TENM3: variants seen among roughly 807,000 people sequenced by gnomAD.
The protein encoded by TENM3 is teneurin transmembrane protein 3.
In TENM3, 63 loss-of-function variants were observed where a neutral mutation model predicts 255.1. The ratio of observed to expected loss-of-function variants is 0.25; its 90% confidence interval spans 0.20 to 0.30. The LOEUF is 0.30. Ranked by LOEUF, TENM3 falls within the 10% of genes least tolerant of loss-of-function variation. The pLI is 1.00. For missense variants in TENM3, 2,929 were observed against 3,461.1 expected, an observed-to-expected ratio of 0.85 and a Z score of 3.86; for synonymous variants, 1,306 against 1,322.3, an observed-to-expected ratio of 0.99 and a Z score of 0.27.
chr4:182,378,551 T>C (rs754619367), intron 3 of TENM3, among the ~76,000 whole-genome samples: 5 of 151,862 alleles, frequency 3.3e-5, no homozygotes, highest in Non-Finnish European at 7.4e-5. Context: ...GCAGGAGAGA[T>C]TCCAGATGGA....
At chr4:182,064,446 C>T in the TENM3 span, among the ~76,000 whole-genome samples, 10 of 152,034 alleles carry the variant, frequency 6.6e-5, no homozygotes, top group South Asian at 2.1e-4. Flanking sequence ...GGCGTGGTGG[C>T]GGGCGCCTGT....
chr4:181,903,367 G>A, the TENM3 span, among the ~76,000 whole-genome samples: 3 of 152,136 alleles, frequency 2.0e-5, no homozygotes, highest in Non-Finnish European at 4.4e-5. Context: ...ATTATATTAT[G>A]CATACAGAAA....
At chr4:181,750,102 C>T in the TENM3 span, among the ~76,000 whole-genome samples, 8 of 152,074 alleles carry the variant, frequency 5.3e-5, no homozygotes, top group Non-Finnish European at 1.0e-4. Flanking sequence ...AGAAAGGACA[C>T]GGGAAAGGGA....
At chr4:181,525,410 A>G in the TENM3 span, among the ~76,000 whole-genome samples, 1 of 151,102 alleles carries the variant, frequency 6.6e-6, no homozygotes, top group South Asian at 2.1e-4. Context: ...AAAAAAAAAA[A>G]AAAAAAAGGA....
At position 182,597,472 on chromosome 4, in the gene TENM3, T is replaced by G. The variant is rs1050025100; in HGVS notation, c.512-3452T>G. Among the ~76,000 whole-genome samples the G allele has an allele frequency of 5.3e-5, 8 of 152,196 alleles. No individual in the cohort carries two copies. In the South Asian group the frequency reaches 1.7e-3, roughly 32 times the overall value. On this transcript the variant is annotated intron_variant, in intron 3 of 27. Transcript: ENST00000511685. ...TCTATTTTCAGTAACAGAAATAAAA[T>G]GAAAAATAGTAATGTTTTTCATAAG...
rs575140264 is a variant in TENM3, at chr4:182,699,875, A to G, written c.2221+11524A>G. 9.2e-5 allele frequency among the ~76,000 whole-genome samples: 14 copies of G among 152,240 alleles called. No individual in the cohort carries two copies. The South Asian group carries it at 2.5e-3, about 27-fold the overall frequency. On this transcript the variant is annotated intron_variant, in intron 12 of 27. Coordinates refer to ENST00000511685, the MANE Select transcript of TENM3 (RefSeq NM_001080477.4). ...ATCTAAATTACCACCGAAACCGAGT[A>G]TATTGGAGGTTTTAAAGCTCAGTTG... is the stretch of plus-strand genomic sequence containing the variant.
At chr4:181,647,479 G>A in the TENM3 span, among the ~76,000 whole-genome samples, 1 of 152,178 alleles carries the variant, frequency 6.6e-6, no homozygotes, top group African/African-American at 2.4e-5. Context: ...GCAAAAGGGT[G>A]CAATATGTGT....
the TENM3 span, among the ~76,000 whole-genome samples, chr4:181,591,958 G>GAA: frequency 6.8e-6 from 1 of 147,458 alleles, no homozygotes; most frequent in African/African-American, 2.5e-5. Context: ...AAAAAAGCCA[G>GAA]AAAAAAAAAA....
intron 20 of TENM3, 60 bp downstream of exon 20, chr4:182,752,092 G>A: frequency 1.8e-6 from 2 of 1,082,194 alleles, no homozygotes; most frequent in Non-Finnish European, 2.6e-6. Context: ...AAAAAAAGGG[G>A]TTGAAAATCC....
chr4:182,543,538 C>T (rs1021705306), intron 3 of TENM3, among the ~76,000 whole-genome samples: 1 of 152,180 alleles, frequency 6.6e-6, no homozygotes, highest in African/African-American at 2.4e-5. Context: ...TTAATAACCT[C>T]TAACCTTAAA....
At chr4:182,088,397 G>T in the TENM3 span, among the ~76,000 whole-genome samples, 1 of 152,092 alleles carries the variant, frequency 6.6e-6, no homozygotes, top group African/African-American at 2.4e-5. Context: ...TTATCAAGAG[G>T]CAGGAAGGCA....
At chr4:182,689,580 G>GA (rs1296486396) in intron 12 of TENM3, among the ~76,000 whole-genome samples, 1 of 152,132 alleles carries the variant, frequency 6.6e-6, no homozygotes, top group African/African-American at 2.4e-5. Flanking sequence ...CAACCAGAAA[G>GA]AAAAAAGACA....
At chr4:182,139,047 T>C (rs555775473), upstream of TENM3, among the ~76,000 whole-genome samples, 7 of 152,352 alleles carry the variant, frequency 4.6e-5, no homozygotes, top group East Asian at 1.2e-3. Context: ...CACTCATTCG[T>C]TCAACAAACA....
intron 26 of TENM3, among the ~76,000 whole-genome samples, chr4:182,794,523 T>C (rs1766349210): frequency 6.6e-6 from 1 of 152,244 alleles, no homozygotes; most frequent in Non-Finnish European, 1.5e-5. Flanking sequence ...CTCCCATCAG[T>C]TGCTTAGACA....
the TENM3 span, among the ~76,000 whole-genome samples, chr4:181,780,253 A>C: frequency 2.6e-5 from 4 of 152,194 alleles, no homozygotes; most frequent in Non-Finnish European, 4.4e-5. Context: ...AGTCCCACCA[A>C]CAGTGTAAAA....
chr4:182,620,335 TCCTTGGGCTTAAAGA>T (rs1367231594), intron 4 of TENM3, among the ~76,000 whole-genome samples: 1 of 152,118 alleles, frequency 6.6e-6, no homozygotes, highest in African/African-American at 2.4e-5. Flanking sequence ...TAAAAAGAAG[TCCTTGGGCTTAAAGA>T]CACATTAATC....
At chr4:181,808,424 C>A in the TENM3 span, among the ~76,000 whole-genome samples, 1 of 152,042 alleles carries the variant, frequency 6.6e-6, no homozygotes, top group Non-Finnish European at 1.5e-5. Context: ...AGGAGCAGAG[C>A]AATATTTAAA....
the TENM3 span, among the ~76,000 whole-genome samples, chr4:181,922,964 C>G: frequency 2.0e-5 from 3 of 152,024 alleles, no homozygotes; most frequent in Non-Finnish European, 4.4e-5. Flanking sequence ...CAAAGAACAT[C>G]TTTATATCTG....
the TENM3 span, among the ~76,000 whole-genome samples, chr4:181,867,347 T>C: frequency 6.6e-6 from 1 of 152,162 alleles, no homozygotes; most frequent in South Asian, 2.1e-4. Context: ...CCAATCTTCC[T>C]GCCCCAGGCC....
Sources: gnomAD v4.1 joint callset for allele counts (sites outside exome capture counted in the v4.1 genomes callset) on GRCh38, gnomAD v4.1.1 for gene constraint, MANE v1.5 for transcripts, NCBI Gene and HGNC (gene_info 2026-07-23, HGNC 2026-07-21) for gene names.